The following MEF2C variants were observed in gnomAD, a reference collection of about 807,000 sequenced individuals.
The protein encoded by MEF2C is myocyte-specific enhancer factor 2C.
MEF2C carries 6 observed loss-of-function variants against 50.5 expected under a neutral mutation model. The ratio of observed to expected loss-of-function variants is 0.12; its 90% confidence interval spans 0.07 to 0.23. MEF2C has a LOEUF of 0.23. Ranked by LOEUF, MEF2C falls within the 10% of genes least tolerant of loss-of-function variation. The pLI is 1.00. For synonymous variants in MEF2C, 183 were observed against 228.0 expected (o/e 0.80, Z 1.78); for missense variants, 276 against 605.0 (o/e 0.46, Z 5.70).
chr5:88,785,681 C>T (rs1483643188), intron 3 of MEF2C: 4 of 152,152 alleles, frequency 2.6e-5, no homozygotes, highest in Non-Finnish European at 5.9e-5. Flanking sequence ...TATTACACGA[C>T]GTACATTATT....
chr5:88,845,927 A>G (rs1323304917), intron 1 of MEF2C, among the ~76,000 whole-genome samples: 1 of 152,134 alleles, frequency 6.6e-6, no homozygotes, highest in East Asian at 1.9e-4. Context: ...TATAAAATAC[A>G]TAATAAAAGA....
chr5:88,808,728 G>C (rs1273618718), intron 2 of MEF2C, among the ~76,000 whole-genome samples: 1 of 152,032 alleles, frequency 6.6e-6, no homozygotes. Flanking sequence ...TTCATAGTTA[G>C]ATAAAATTAT....
intron 1 of MEF2C, among the ~76,000 whole-genome samples, chr5:88,897,774 T>A (rs1449997918): frequency 6.6e-6 from 1 of 152,214 alleles, no homozygotes; most frequent in Non-Finnish European, 1.5e-5. Flanking sequence ...CCTTTCATCT[T>A]TTGGGACTTG....
intron 1 of MEF2C, chr5:88,889,385 C>G (rs1480819645): frequency 6.5e-6 from 1 of 153,090 alleles, no homozygotes; most frequent in South Asian, 2.1e-4. Flanking sequence ...TGCTTCCCCC[C>G]CCTTCCCCCC....
chr5:88,817,786 C>CA (rs1335503144), intron 2 of MEF2C: 1 of 151,926 alleles, frequency 6.6e-6, no homozygotes, highest in Non-Finnish European at 1.5e-5. Context: ...ACAAGTTGCA[C>CA]AAATAAATTT....
intron 3 of MEF2C, chr5:88,769,834 T>TG (rs1286684887): frequency 3.1e-5 from 11 of 360,028 alleles, no homozygotes; most frequent in African/African-American, 1.8e-4. Context: ...TTGGTAGAGA[T>TG]GGGGTCTCAC....
intron 1 of MEF2C, among the ~76,000 whole-genome samples, chr5:88,860,321 T>A (rs962329578): frequency 6.6e-6 from 1 of 151,510 alleles, no homozygotes; most frequent in Non-Finnish European, 1.5e-5. Context: ...ACTATTTGTA[T>A]GCTTTTTTTT....
chr5:88,838,744 T>G, intron 1 of MEF2C: 2 of 984,112 alleles, frequency 2.0e-6, no homozygotes, highest in Non-Finnish European at 2.4e-6. Flanking sequence ...TCCTTCTCGT[T>G]ATGCTCTTTC....
intron 1 of MEF2C, among the ~76,000 whole-genome samples, chr5:88,877,503 C>T (rs559884985): frequency 6.6e-6 from 1 of 151,936 alleles, no homozygotes; most frequent in African/African-American, 2.4e-5. Context: ...TATTAAATAA[C>T]CTTTTCTATA....
chr5:88,787,504 A>G lies in MEF2C; in HGVS notation c.258+17094T>C, dbSNP rs1269499411. 2.0e-5 allele frequency among the ~76,000 whole-genome samples: 3 copies of G among 152,176 alleles called. No individual in the cohort carries two copies. The East Asian group carries it at 5.8e-4, about 29-fold the overall frequency. ...AACTCGCCCTCCGTTAGAGAATGAG[A>G]GTGTGTGATGTTGCTGTAACTGGAA... On this transcript the variant is annotated intron_variant, in intron 3 of 10. Coordinates refer to ENST00000504921, the MANE Select transcript of MEF2C (RefSeq NM_002397.5).
intron 1 of MEF2C, among the ~76,000 whole-genome samples, chr5:88,859,637 A>G (rs1824792321): frequency 6.6e-6 from 1 of 152,230 alleles, no homozygotes; most frequent in Non-Finnish European, 1.5e-5. Context: ...CCTCATCCTA[A>G]AAGAAGCCAA....
intron 1 of MEF2C, among the ~76,000 whole-genome samples, chr5:88,831,783 T>G (rs1223699310): frequency 6.6e-6 from 1 of 152,126 alleles, no homozygotes; most frequent in Non-Finnish European, 1.5e-5. Flanking sequence ...TCTCTTCATC[T>G]CTTTTACAGC....
At chr5:88,736,973 C>T in intron 6 of MEF2C, 5 of 984,622 alleles carry the variant, frequency 5.1e-6, no homozygotes, top group Non-Finnish European at 6.0e-6. Context: ...AACTTCAGCC[C>T]ACACTGAATT....
At chr5:88,813,857 G>T (rs939626503) in intron 2 of MEF2C, among the ~76,000 whole-genome samples, 8 of 151,934 alleles carry the variant, frequency 5.3e-5, no homozygotes, top group Non-Finnish European at 1.2e-4. Flanking sequence ...TATTTTCAAA[G>T]GTTTGAGGTT....
intron 6 of MEF2C, chr5:88,738,833 G>A (rs1020758031): frequency 1.0e-6 from 1 of 985,120 alleles, no homozygotes; most frequent in Non-Finnish European, 1.2e-6. Context: ...TCATAAAGAG[G>A]CACAGAATGG....
intron 1 of MEF2C, among the ~76,000 whole-genome samples, chr5:88,876,166 A>G (rs1831014872): frequency 1.3e-5 from 2 of 151,006 alleles, no homozygotes; most frequent in African/African-American, 2.4e-5. Flanking sequence ...CATGAAGGAT[A>G]TAACTTAAAA....
At chr5:88,794,938 A>C (rs1795361281) in intron 3 of MEF2C, among the ~76,000 whole-genome samples, 1 of 152,196 alleles carries the variant, frequency 6.6e-6, no homozygotes, top group African/African-American at 2.4e-5. Flanking sequence ...GGTTTGTCAA[A>C]GATAAGATAG....
intron 3 of MEF2C, among the ~76,000 whole-genome samples, chr5:88,767,566 T>C (rs1005973225): frequency 2.6e-5 from 4 of 152,200 alleles, no homozygotes; most frequent in African/African-American, 7.2e-5. Flanking sequence ...AATATAAAAC[T>C]GTACAATACT....
intron 3 of MEF2C, among the ~76,000 whole-genome samples, chr5:88,802,844 A>G (rs1369929038): frequency 6.6e-6 from 1 of 152,270 alleles, no homozygotes; most frequent in Non-Finnish European, 1.5e-5. Context: ...CTCCTTTAAG[A>G]AAGCAAATTT....
Sources: allele counts gnomAD v4.1 joint callset (sites outside exome capture counted in the v4.1 genomes callset), GRCh38; gene constraint gnomAD v4.1.1; transcripts MANE v1.5; gene names NCBI Gene and HGNC (gene_info 2026-07-23, HGNC 2026-07-21).